RPL13A: variants seen among roughly 807,000 people sequenced by gnomAD.
RPL13A encodes the protein ribosomal protein L13a.
Under a neutral mutation model 30.8 loss-of-function variants are expected in RPL13A, and 4 were observed. The ratio of observed to expected loss-of-function variants is 0.13; its 90% CI spans 0.06 to 0.30. The LOEUF (loss-of-function observed/expected upper bound fraction) is 0.30. Ranked by LOEUF, RPL13A falls within the 10% of genes least tolerant of loss-of-function variation. RPL13A has a pLI of 1.00. For missense variants in RPL13A, 196 were observed against 272.6 expected (o/e 0.72, Z 1.98); for synonymous variants, 108 against 104.2 (o/e 1.04, Z -0.22).
chr19:49,489,600 C>T (rs987875234), intron 1 of RPL13A, among the ~76,000 whole-genome samples: 5 of 152,214 alleles, frequency 3.3e-5, no homozygotes, highest in African/African-American at 9.6e-5. Flanking sequence ...ATAAAATACT[C>T]ATAGAAGAAC....
intron 2 of RPL13A, 103 bp downstream of exon 2, chr19:49,490,025 C>T (rs762868269): frequency 9.4e-7 from 1 of 1,060,322 alleles, no homozygotes; most frequent in Non-Finnish European, 1.5e-6. Context: ...ATGAGATCAA[C>T]CCCATGCACC....
rs11539139 is a variant in RPL13A, at chr19:49,490,546, C to G, written c.226C>G (p.Pro76Ala). Residue 76 changes from proline (P) to alanine (A), a missense_variant, in exon 4 of 8, where the codon CCC (proline) becomes GCC (alanine). Coordinates refer to ENST00000391857, the MANE Select transcript of RPL13A (RefSeq NM_012423.4). Reference protein sequence around the residue: ...PSRGPYHFRAPSRIFWRTVRG... With the variant: ...PSRGPYHFRAASRIFWRTVRG... ...CCGAGGCCCCTACCACTTCCGGGCC[C>G]CCAGCCGCATCTTCTGGCGGACCGT... is the stretch of plus-strand genomic sequence containing the variant. 14 of 1,614,084 alleles carry G rather than the reference C, an allele frequency of 8.7e-6. No homozygotes were observed. The highest frequency in any genetic ancestry group is 1.2e-5 in the Non-Finnish European group (14 of 1,180,056).
In RPL13A at chr19:49,491,407, C is replaced by G. The variant is rs771767614; in HGVS notation, c.403-18C>G. 92 of 307,218 alleles carry G rather than the reference C, an allele frequency of 3.0e-4. 1 individual carries two copies. Among genetic ancestry groups the G allele is most frequent in the South Asian group, 1.5e-3 (57 of 37,508 alleles). 19.0% of individuals were successfully genotyped at this position (307,218 alleles called of 1,614,324 possible). On this transcript the variant is annotated intron_variant, in intron 6 of 7. Transcript: ENST00000391857. ...CCTTACAACTTCATTTGTTCACCCCCCCCCCCCCCCCCCGCAGTTTGCCTA... is the reference window on the plus strand; with the variant it reads ...CCTTACAACTTCATTTGTTCACCCCGCCCCCCCCCCCCCGCAGTTTGCCTA...
At chr19:49,491,650 G>T (rs1045012208) in intron 7 of RPL13A, 79 bp from the exon 8 acceptor site, 1 of 1,575,846 alleles carries the variant, frequency 6.3e-7, no homozygotes, top group Admixed American at 1.9e-5. Flanking sequence ...ACCAGCCGGG[G>T]TTGGGGTGGG....
intron 1 of RPL13A, 34 bp downstream of exon 1, chr19:49,487,678 G>T (rs781338335): frequency 2.8e-5 from 42 of 1,508,712 alleles, no homozygotes; most frequent in Non-Finnish European, 3.4e-5. Context: ...GCGGCAAGGG[G>T]CCGGGTGGGA....
rs771191252 is a variant in RPL13A, at chr19:49,491,056, T to C, written c.359T>C (p.Val120Ala). 2 of 1,614,256 alleles carry C rather than the reference T, an allele frequency of 1.2e-6. No individual in the cohort carries two copies. Among genetic ancestry groups the C allele is most frequent in the South Asian group, 2.2e-5 (2 of 91,088 alleles). Reference sequence around the variant, plus strand: ...CTCTAACAGAAAAAGCGGATGGTGGTTCCTGCTGCCCTCAAGGTCGTGCGT... The same window carrying C: ...CTCTAACAGAAAAAGCGGATGGTGGCTCCTGCTGCCCTCAAGGTCGTGCGT... ...PPYDKKKRMV[V>A]PAALKVVRLK... Residue 120 changes from valine to alanine, a missense_variant, in exon 6 of 8, where the codon GTT becomes GCT. Transcript: ENST00000391857.
intron 4 of RPL13A, 34 bp from the exon 5 acceptor site, chr19:49,490,745 C>T (rs752803102): frequency 3.0e-5 from 48 of 1,613,196 alleles, no homozygotes; most frequent in Middle Eastern, 1.6e-4. Flanking sequence ...CTTATGAGGC[C>T]CTCTGACTGG....
intron 2 of RPL13A, 144 bp downstream of exon 2, chr19:49,490,066 G>A (rs1291555763): frequency 9.9e-7 from 1 of 1,006,388 alleles, no homozygotes; most frequent in Admixed American, 1.7e-5. Flanking sequence ...CTCTTCCCCA[G>A]GGTTGGGGAC....
At chr19:49,490,418 TG>T in intron 3 of RPL13A, 56 bp from the exon 4 acceptor site, 2 of 1,596,530 alleles carry the variant, frequency 1.3e-6, no homozygotes, top group South Asian at 2.2e-5. Context: ...CCCTTGGAAG[TG>T]GGGTTTTGGG....
chr19:49,490,656 C>T (rs764068196), intron 4 of RPL13A, 80 bp downstream of exon 4: 1 of 1,579,376 alleles, frequency 6.3e-7, no homozygotes, highest in Non-Finnish European at 8.7e-7. Flanking sequence ...ATTCGAGTTT[C>T]CCGACCATGA....
intron 4 of RPL13A, 21 bp downstream of exon 4, chr19:49,490,597 G>A (rs762669309): frequency 6.2e-7 from 1 of 1,612,626 alleles, no homozygotes; most frequent in Non-Finnish European, 8.5e-7. Flanking sequence ...CGTGGGGACT[G>A]CAGGTGGTGA....
chr19:49,489,019 C>T (rs947424434), intron 1 of RPL13A, among the ~76,000 whole-genome samples: 4 of 152,180 alleles, frequency 2.6e-5, no homozygotes, highest in African/African-American at 7.2e-5. Context: ...ATTTCTACTC[C>T]GGAGGAAGCT....
At chr19:49,490,194 AGGCGGCTC>A in intron 2 of RPL13A, 30 bp from the exon 3 acceptor site, 1 of 1,600,788 alleles carries the variant, frequency 6.2e-7, no homozygotes, top group Non-Finnish European at 8.6e-7. Flanking sequence ...TGGGACCCTC[AGGCGGCTC>A]GGCCCTGCTA....
intron 2 of RPL13A, 90 bp downstream of exon 2, chr19:49,490,012 G>A (rs2079849022): frequency 2.6e-6 from 3 of 1,157,140 alleles, no homozygotes; most frequent in South Asian, 1.2e-5. Context: ...GAGTCTCACG[G>A]CCATGAGATC....
intron 1 of RPL13A, among the ~76,000 whole-genome samples, chr19:49,488,781 T>C (rs2079834914): frequency 6.6e-6 from 1 of 152,350 alleles, no homozygotes; most frequent in East Asian, 1.9e-4. Flanking sequence ...TCTTGGCTCA[T>C]TGCAACCTCT....
intron 1 of RPL13A, 26 bp downstream of exon 1, chr19:49,487,670 G>C (rs1271192029): frequency 6.6e-7 from 1 of 1,519,740 alleles, no homozygotes; most frequent in Non-Finnish European, 8.8e-7. Context: ...GGGCCGGGGC[G>C]GCAAGGGGCC....
intron 7 of RPL13A, 52 bp from the exon 8 acceptor site, chr19:49,491,677 G>A (rs901810436): frequency 6.3e-7 from 1 of 1,589,992 alleles, no homozygotes; most frequent in South Asian, 1.1e-5. Flanking sequence ...TCCATGTAAT[G>A]AGGGCAATGC....
In RPL13A at chr19:49,491,979, T is replaced by A. The variant is rs1442441488; in HGVS notation, c.*164T>A. 1.7e-6 allele frequency: 1 copy of A among 604,024 alleles called. No individual in the cohort carries two copies. Among genetic ancestry groups the A allele is most frequent in the East Asian group, 2.8e-5 (1 of 35,474 alleles). 37.4% of individuals were successfully genotyped at this position (604,024 alleles called of 1,614,324 possible). On this transcript the variant is annotated 3_prime_UTR_variant, in exon 8 of 8. Coordinates refer to ENST00000391857, the MANE Select transcript of RPL13A (RefSeq NM_012423.4). Reference sequence around the variant, plus strand: ...GGGTCTTAGTCACTGCCTCCCGAAGTTGCTTGAAAGCACTCGGAGAATTGT... The same window carrying A: ...GGGTCTTAGTCACTGCCTCCCGAAGATGCTTGAAAGCACTCGGAGAATTGT...
At chr19:49,491,268 TG>T in intron 6 of RPL13A, 156 bp from the exon 7 acceptor site, 1 of 1,159,708 alleles carries the variant, frequency 8.6e-7, no homozygotes, top group Non-Finnish European at 1.3e-6. Flanking sequence ...GAGGCTTGGG[TG>T]GGTGCTTTTC....
Sources: gnomAD v4.1 joint callset for allele counts (sites outside exome capture counted in the v4.1 genomes callset) on GRCh38, gnomAD v4.1.1 for gene constraint, MANE v1.5 for transcripts, NCBI Gene and HGNC (gene_info 2026-07-23, HGNC 2026-07-21) for gene names.